ARSB: variants seen among roughly 807,000 people sequenced by gnomAD.
ARSB encodes N-acetylgalactosamine-4-sulfatase.
Under a neutral mutation model 50.9 loss-of-function variants are expected in ARSB, and 41 were observed. That is an observed-to-expected ratio of 0.81 (90% CI 0.63 to 1.04). ARSB has a LOEUF of 1.04. Among genes scored for constraint, ARSB ranks in the 50% least tolerant of loss-of-function variants. The probability of loss-of-function intolerance (pLI) is 0.00; values close to 1 mark genes in which losing one functional copy is unlikely to be tolerated. For synonymous variants in ARSB, 269 were observed against 284.8 expected (o/e 0.94, Z 0.56); for missense variants, 672 against 693.3 (o/e 0.97, Z 0.35).
At chr5:78,864,361 G>A (rs1033257617) in intron 5 of ARSB, among the ~76,000 whole-genome samples, 4 of 152,158 alleles carry the variant, frequency 2.6e-5, no homozygotes, top group African/African-American at 9.7e-5. Flanking sequence ...GAGAGAATGA[G>A]GAAGATGCAA....
At chr5:78,890,966 A>G (rs1479877358) in intron 4 of ARSB, among the ~76,000 whole-genome samples, 1 of 151,870 alleles carries the variant, frequency 6.6e-6, no homozygotes, top group Non-Finnish European at 1.5e-5. Context: ...TTATGTGCAC[A>G]TTTTCTACTA....
At chr5:78,983,406 G>T (rs1446257393) in intron 1 of ARSB, among the ~76,000 whole-genome samples, 2 of 152,180 alleles carry the variant, frequency 1.3e-5, no homozygotes, top group Admixed American at 6.5e-5. Flanking sequence ...TCTGTTGGAA[G>T]GGAGGAAGTT....
chr5:78,937,353 T>C lies in ARSB; in HGVS notation c.898+17942A>G, dbSNP rs113954307. On this transcript the variant is annotated intron_variant, in intron 4 of 7. Coordinates refer to ENST00000264914, the MANE Select transcript of ARSB (RefSeq NM_000046.5). ...ATATATGTAAGATATATATATCATATATATGTAAGATATATATATGTAAGA... is the reference window on the plus strand; with the variant it reads ...ATATATGTAAGATATATATATCATACATATGTAAGATATATATATGTAAGA... 1.7e-3 allele frequency among the ~76,000 whole-genome samples: 226 copies of C among 129,892 alleles called. 4 individuals carry two copies. The highest frequency in any genetic ancestry group is 6.5e-3 in the African/African-American group (217 of 33,434). The allele number at this position is 129,892 out of a possible 152,430, so 85.2% of individuals were successfully genotyped here.
At chr5:78,911,250 TATA>T (rs1207702721) in intron 4 of ARSB, among the ~76,000 whole-genome samples, 3 of 152,162 alleles carry the variant, frequency 2.0e-5, no homozygotes, top group Admixed American at 6.5e-5. Flanking sequence ...GGGAATGTTT[TATA>T]ATAATGAGTC....
At chr5:78,918,924 T>C (rs1343549300) in intron 4 of ARSB, among the ~76,000 whole-genome samples, 1 of 152,234 alleles carries the variant, frequency 6.6e-6, no homozygotes, top group East Asian at 1.9e-4. Context: ...TGATTAATCC[T>C]TTCTCTTCTG....
intron 6 of ARSB, among the ~76,000 whole-genome samples, chr5:78,836,682 A>G (rs12656514): frequency 0.35 from 53,469 of 152,058 alleles, 10,198 homozygotes; most frequent in Middle Eastern, 0.43. Flanking sequence ...TTTAGGTAAG[A>G]CAGGAGAAAG....
At chr5:78,783,127 T>C (rs1748972499) in intron 6 of ARSB, among the ~76,000 whole-genome samples, 1 of 152,186 alleles carries the variant, frequency 6.6e-6, no homozygotes, top group African/African-American at 2.4e-5. Flanking sequence ...CCCACATTTA[T>C]CTGTTAGCTT....
At chr5:78,912,269 A>G (rs185819279) in intron 4 of ARSB, among the ~76,000 whole-genome samples, 27 of 152,340 alleles carry the variant, frequency 1.8e-4, no homozygotes, top group African/African-American at 6.3e-4. Context: ...GGCAACCTTA[A>G]GAGATCACAG....
chr5:78,785,638 T>C (rs1749055931), intron 6 of ARSB, among the ~76,000 whole-genome samples: 1 of 152,216 alleles, frequency 6.6e-6, no homozygotes, highest in African/African-American at 2.4e-5. Flanking sequence ...TCAACATGTG[T>C]GAGACTCTTA....
At chr5:78,951,774 G>A (rs1420105279) in intron 4 of ARSB, among the ~76,000 whole-genome samples, 1 of 152,088 alleles carries the variant, frequency 6.6e-6, no homozygotes, top group East Asian at 1.9e-4. Flanking sequence ...TTTTTTAAAT[G>A]CCTCCACAAA....
intron 4 of ARSB, among the ~76,000 whole-genome samples, chr5:78,886,688 C>A (rs1360289113): frequency 6.6e-6 from 1 of 152,018 alleles, no homozygotes; most frequent in Non-Finnish European, 1.5e-5. Flanking sequence ...GTTATAGAAT[C>A]ATACAAACTC....
chr5:78,839,652 A>C (rs1259121293), intron 5 of ARSB, among the ~76,000 whole-genome samples: 1 of 152,204 alleles, frequency 6.6e-6, no homozygotes, highest in East Asian at 1.9e-4. Flanking sequence ...CAAGCATATG[A>C]AGATATTTTA....
At chr5:78,865,450 C>A (rs1239356527) in intron 5 of ARSB, among the ~76,000 whole-genome samples, 2 of 152,130 alleles carry the variant, frequency 1.3e-5, no homozygotes, top group Non-Finnish European at 2.9e-5. Flanking sequence ...AGGCCTGGCC[C>A]CTGAAACCAC....
intron 5 of ARSB, among the ~76,000 whole-genome samples, chr5:78,844,476 T>C (rs1745359047): frequency 1.3e-5 from 2 of 152,190 alleles, no homozygotes; most frequent in Admixed American, 6.6e-5. Context: ...TAATATTTTC[T>C]CCTATTCTGT....
intron 5 of ARSB, among the ~76,000 whole-genome samples, chr5:78,859,059 C>T (rs1016231292): frequency 6.6e-6 from 1 of 152,152 alleles, no homozygotes; most frequent in Admixed American, 6.6e-5. Flanking sequence ...ACCACTATCC[C>T]GGTGAAACTC....
intron 4 of ARSB, among the ~76,000 whole-genome samples, chr5:78,918,114 T>C (rs370311463): frequency 2.3e-4 from 35 of 152,344 alleles, no homozygotes; most frequent in African/African-American, 8.4e-4. Context: ...TTAGGAATTG[T>C]ATTGTCTTCT....
At chr5:78,927,758 C>A (rs1750120206) in intron 4 of ARSB, among the ~76,000 whole-genome samples, 1 of 152,114 alleles carries the variant, frequency 6.6e-6, no homozygotes, top group Non-Finnish European at 1.5e-5. Flanking sequence ...TTTGCCTCTG[C>A]CTAGGAAAAA....
At chr5:78,863,711 C>G (rs1746565755) in intron 5 of ARSB, among the ~76,000 whole-genome samples, 1 of 151,930 alleles carries the variant, frequency 6.6e-6, no homozygotes, top group Admixed American at 6.6e-5. Flanking sequence ...ACATATGTAA[C>G]AAACCTGCAC....
intron 3 of ARSB, among the ~76,000 whole-genome samples, chr5:78,956,579 A>G (rs908747140): frequency 5.3e-5 from 8 of 152,236 alleles, no homozygotes; most frequent in Admixed American, 2.6e-4. Context: ...AAAATTGAAA[A>G]TAAAAGCCAG....
Sources: gnomAD v4.1 joint callset for allele counts (sites outside exome capture counted in the v4.1 genomes callset) on GRCh38, gnomAD v4.1.1 for gene constraint, MANE v1.5 for transcripts, NCBI Gene and HGNC (gene_info 2026-07-23, HGNC 2026-07-21) for gene names.